The following BNC2 variants were observed in gnomAD, a reference collection of about 807,000 sequenced individuals.
The protein encoded by BNC2 is zinc finger protein basonuclin-2.
BNC2 carries 20 observed loss-of-function variants against 76.3 expected under a neutral mutation model. The ratio of observed to expected loss-of-function variants is 0.26; its 90% CI spans 0.18 to 0.38. BNC2 has a LOEUF of 0.38. Among genes scored for constraint, BNC2 ranks in the 10% least tolerant of loss-of-function variants. The pLI, the probability that BNC2 is intolerant of heterozygous loss-of-function variation, is 1.00. For missense variants in BNC2, 1,382 were observed against 1,399.8 expected (o/e 0.99, Z 0.20); for synonymous variants, 582 against 514.8 (o/e 1.13, Z -1.77).
intron 2 of BNC2, among the ~76,000 whole-genome samples, chr9:16,734,189 T>C (rs1824593376): frequency 2.6e-5 from 4 of 152,204 alleles, no homozygotes; most frequent in African/African-American, 7.2e-5. Context: ...ATTAACATGT[T>C]GATGCATGCA....
intron 6 of BNC2, among the ~76,000 whole-genome samples, chr9:16,423,730 T>C (rs915552428): frequency 4.6e-5 from 7 of 152,188 alleles, no homozygotes; most frequent in African/African-American, 1.7e-4. Flanking sequence ...ACGGTGATCC[T>C]GACGCTATTA....
At chr9:16,428,363 T>C (rs1820840267) in intron 6 of BNC2, among the ~76,000 whole-genome samples, 1 of 152,152 alleles carries the variant, frequency 6.6e-6, no homozygotes, top group Non-Finnish European at 1.5e-5. Context: ...TGCAGGTCTG[T>C]GGTTCTTGGT....
chr9:16,510,498 G>A (rs1056830377), intron 5 of BNC2, among the ~76,000 whole-genome samples: 1 of 152,184 alleles, frequency 6.6e-6, no homozygotes, highest in Admixed American at 6.5e-5. Context: ...TACATTTGGT[G>A]TATAATCTAC....
At chr9:16,800,697 G>A (rs1388462130) in intron 1 of BNC2, among the ~76,000 whole-genome samples, 1 of 152,108 alleles carries the variant, frequency 6.6e-6, no homozygotes, top group African/African-American at 2.4e-5. Context: ...AAGAGATCTG[G>A]AATTTTACTC....
intron 1 of BNC2, among the ~76,000 whole-genome samples, chr9:16,766,214 T>C (rs1442942521): frequency 6.6e-6 from 1 of 152,216 alleles, no homozygotes; most frequent in Non-Finnish European, 1.5e-5. Context: ...AATGTGCTTT[T>C]AATGTAGTTT....
At chr9:16,483,981 A>C (rs1822110902) in intron 5 of BNC2, among the ~76,000 whole-genome samples, 1 of 152,224 alleles carries the variant, frequency 6.6e-6, no homozygotes, top group African/African-American at 2.4e-5. Flanking sequence ...TAATGGCAAA[A>C]GAAAAATCTA....
At chr9:16,503,758 T>C (rs748608934) in intron 5 of BNC2, among the ~76,000 whole-genome samples, 21 of 152,326 alleles carry the variant, frequency 1.4e-4, no homozygotes, top group Middle Eastern at 3.4e-3. Flanking sequence ...GTTATAAATA[T>C]ATATGGATAT....
chr9:16,459,077 T>G (rs921030789), intron 5 of BNC2, among the ~76,000 whole-genome samples: 1 of 152,170 alleles, frequency 6.6e-6, no homozygotes, highest in Admixed American at 6.5e-5. Context: ...GAAGAAATCC[T>G]TATTTAAGGG....
At chr9:16,757,830 T>G (rs1051291565) in intron 1 of BNC2, among the ~76,000 whole-genome samples, 35 of 152,246 alleles carry the variant, frequency 2.3e-4, no homozygotes, top group African/African-American at 8.4e-4. Context: ...AATTACAATT[T>G]TATATGCAAG....
chr9:16,794,352 C>G (rs1212333387), intron 1 of BNC2, among the ~76,000 whole-genome samples: 1 of 152,130 alleles, frequency 6.6e-6, no homozygotes, highest in Non-Finnish European at 1.5e-5. Flanking sequence ...CATGACTGAG[C>G]TTTTTTCACA....
intron 1 of BNC2, among the ~76,000 whole-genome samples, chr9:16,862,248 A>G (rs1484941412): frequency 2.0e-5 from 3 of 152,216 alleles, no homozygotes; most frequent in Non-Finnish European, 4.4e-5. Flanking sequence ...CAAAAAGTGT[A>G]AACAACCCAA....
chr9:16,646,793 C>A (rs1821640513), intron 3 of BNC2, among the ~76,000 whole-genome samples: 1 of 152,028 alleles, frequency 6.6e-6, no homozygotes, highest in Admixed American at 6.6e-5. Context: ...TCCTAAATTT[C>A]TAAAAGGGAT....
intron 1 of BNC2, among the ~76,000 whole-genome samples, chr9:16,757,335 G>T (rs1035794925): frequency 1.3e-5 from 2 of 152,124 alleles, no homozygotes; most frequent in African/African-American, 4.8e-5. Context: ...TAACTAAATA[G>T]GAAACGATTA....
intron 1 of BNC2, among the ~76,000 whole-genome samples, chr9:16,751,652 A>ATATATATG (rs775227367): frequency 0.029 from 2,517 of 86,812 alleles, 169 homozygotes; most frequent in African/African-American, 0.17. Flanking sequence ...GTATGTGTGT[A>ATATATATG]TATATATATG....
chr9:16,765,821 C>G (rs1217614423), intron 1 of BNC2, among the ~76,000 whole-genome samples: 1 of 149,450 alleles, frequency 6.7e-6, no homozygotes, highest in Non-Finnish European at 1.5e-5. Flanking sequence ...GAGTCTAGCT[C>G]TGTCGCCCAG....
chr9:16,848,215 A>G (rs1330762468), intron 1 of BNC2, among the ~76,000 whole-genome samples: 1 of 152,240 alleles, frequency 6.6e-6, no homozygotes, highest in African/African-American at 2.4e-5. Context: ...CAAAGTAAAG[A>G]GAAGGCACCA....
intron 1 of BNC2, among the ~76,000 whole-genome samples, chr9:16,822,309 A>T (rs540574771): frequency 2.0e-5 from 3 of 152,164 alleles, no homozygotes; most frequent in Admixed American, 2.0e-4. Context: ...ACCTCCTATT[A>T]CCCTAATACA....
intron 3 of BNC2, among the ~76,000 whole-genome samples, chr9:16,621,285 G>C (rs567123136): frequency 1.3e-5 from 2 of 152,188 alleles, no homozygotes; most frequent in African/African-American, 4.8e-5. Flanking sequence ...CAGCACCAGG[G>C]TATACTGCCT....
At chr9:16,614,844 T>C (rs948943489) in intron 3 of BNC2, among the ~76,000 whole-genome samples, 5 of 151,876 alleles carry the variant, frequency 3.3e-5, no homozygotes, top group Non-Finnish European at 7.4e-5. Context: ...TGGCCCCAAC[T>C]ACTTGGGAAG....
Sources: allele counts gnomAD v4.1 joint callset (sites outside exome capture counted in the v4.1 genomes callset), GRCh38; gene constraint gnomAD v4.1.1; transcripts MANE v1.5; gene names NCBI Gene and HGNC (gene_info 2026-07-23, HGNC 2026-07-21).